IST1: variants seen among roughly 807,000 people sequenced by gnomAD.
The protein encoded by IST1 is IST1 factor associated with ESCRT-III, also known as IST1 homolog.
IST1 carries 23 observed loss-of-function variants against 37.0 expected under a neutral mutation model. The ratio of observed to expected loss-of-function variants is 0.62; its 90% CI spans 0.45 to 0.88. IST1 has a LOEUF of 0.88. Among genes scored for constraint, IST1 ranks in the 40% least tolerant of loss-of-function variants. The probability of loss-of-function intolerance (pLI) is 0.00; values close to 1 mark genes in which losing one functional copy is unlikely to be tolerated. For synonymous variants in IST1, 180 were observed against 161.7 expected (o/e 1.11, Z -0.86); for missense variants, 488 against 445.4 (o/e 1.10, Z -0.86).
intron 1 of IST1, among the ~76,000 whole-genome samples, chr16:71,904,418 G>A (rs1055223148): frequency 6.6e-6 from 1 of 152,120 alleles, no homozygotes; most frequent in South Asian, 2.1e-4. Flanking sequence ...CATTGCGCCC[G>A]GCCTGTTGTT....
At chr16:71,908,195 G>A (rs977023020) in intron 1 of IST1, among the ~76,000 whole-genome samples, 2 of 151,366 alleles carry the variant, frequency 1.3e-5, no homozygotes, top group African/African-American at 4.9e-5. Context: ...ACCCGCCTCT[G>A]CCTCCCAAAG....
In IST1 at chr16:71,908,914, G is replaced by C. The variant is rs370123833; in HGVS notation, c.-15-6712G>C. On this transcript the variant is annotated intron_variant, in intron 1 of 9. Coordinates refer to ENST00000378799, the MANE Select transcript of IST1 (RefSeq NM_001270975.2). ...TATTTTTCATAGTTCTCAGATAGCT[G>C]CTACATGCATTCTGTTCAGGTTTTA... Among the ~76,000 whole-genome samples the C allele has an allele frequency of 1.6e-4, 24 of 152,160 alleles. 1 individual carries two copies. The highest frequency in any genetic ancestry group is 9.8e-4 in the Admixed American group (15 of 15,270).
At chr16:71,915,187 C>G (rs977278587) in intron 1 of IST1, among the ~76,000 whole-genome samples, 3 of 152,158 alleles carry the variant, frequency 2.0e-5, no homozygotes, top group Non-Finnish European at 2.9e-5. Flanking sequence ...TCATCTTCCC[C>G]CATTGCCATC....
At chr16:71,924,689 T>C in intron 8 of IST1, 80 bp from the exon 9 acceptor site, 1 of 1,121,348 alleles carries the variant, frequency 8.9e-7, no homozygotes, top group Non-Finnish European at 1.4e-6. Context: ...ACTTAACTTT[T>C]GGAAACACAG....
rs2143075056 is a variant in IST1, at chr16:71,931,137, G to A, written c.*3324G>A. 1 of 152,094 alleles carries A rather than the reference G, an allele frequency of 6.6e-6. No homozygotes were observed. Among genetic ancestry groups the A allele is most frequent in the East Asian group, 1.9e-4 (1 of 5,176 alleles). The allele number at this position is 152,094 out of a possible 1,614,324, so 9.4% of individuals were successfully genotyped here. A position where few individuals can be genotyped will look rare whatever the true frequency, so the allele number is the denominator to read the frequency against. Reference sequence around the variant, plus strand: ...TACTTTATGTTTACTGTATTTTTATGTACAATTACATCCAAAGCAGAAAAG... The same window carrying A: ...TACTTTATGTTTACTGTATTTTTATATACAATTACATCCAAAGCAGAAAAG... On this transcript the variant is annotated 3_prime_UTR_variant, in exon 10 of 10. Coordinates refer to ENST00000378799, the MANE Select transcript of IST1 (RefSeq NM_001270975.2).
intron 1 of IST1, among the ~76,000 whole-genome samples, chr16:71,906,285 G>T (rs1379782533): frequency 2.0e-5 from 3 of 151,422 alleles, no homozygotes. Flanking sequence ...TTAGAGGTGC[G>T]AGCCACTGCG....
chr16:71,920,920 T>C (rs374008846), intron 5 of IST1, 98 bp downstream of exon 5: 6 of 895,154 alleles, frequency 6.7e-6, no homozygotes, highest in East Asian at 2.4e-5. Flanking sequence ...TTGCTCAGTA[T>C]GGGGTTTCAC....
At chr16:71,914,115 G>GTTGA (rs1706938613) in intron 1 of IST1, among the ~76,000 whole-genome samples, 2 of 150,756 alleles carry the variant, frequency 1.3e-5, no homozygotes, top group South Asian at 2.1e-4. Flanking sequence ...GCTGGTTTTT[G>GTTGA]TTGTTTGTTG....
chr16:71,927,816 C>T lies in IST1; in HGVS notation c.*3C>T, dbSNP rs2037786271. The T allele has an allele frequency of 1.9e-6, 3 of 1,610,268 alleles. No individual in the cohort carries two copies. Among genetic ancestry groups the T allele is most frequent in the Non-Finnish European group, 2.5e-6 (3 of 1,177,148 alleles). ...AAGAGCTGAAAAAGAAAACATAGGT[C>T]TCTTAAACCAGGCAACTTTCACGTT... On this transcript the variant is annotated 3_prime_UTR_variant, in exon 10 of 10. Transcript: ENST00000378799.
At position 71,922,351 on chromosome 16, in the gene IST1, G is replaced by A; in HGVS notation, c.553-123G>A. On this transcript the variant is annotated intron_variant, in intron 6 of 9. Coordinates refer to ENST00000378799, the MANE Select transcript of IST1 (RefSeq NM_001270975.2). ...TAACTCTGCCTTTTCTTCCCCCACA[G>A]GTGTTGATCCCAGAAGCACTCCAGT... 7.7e-6 allele frequency: 6 copies of A among 777,162 alleles called. 1 individual carries two copies. The highest frequency in any genetic ancestry group is 1.3e-5 in the Non-Finnish European group (6 of 456,150). 48.1% of individuals were successfully genotyped at this position (777,162 alleles called of 1,614,324 possible). A position where few individuals can be genotyped will look rare whatever the true frequency, so the allele number is the denominator to read the frequency against.
chr16:71,902,096 C>T (rs924056411), intron 1 of IST1, among the ~76,000 whole-genome samples: 7 of 152,154 alleles, frequency 4.6e-5, no homozygotes, highest in African/African-American at 1.7e-4. Context: ...TTACTGTGTA[C>T]ATATAACACA....
At position 71,930,193 on chromosome 16, in the gene IST1, C is replaced by T. The variant is rs1597266659; in HGVS notation, c.*2380C>T. The T allele has an allele frequency of 1.3e-6, 2 of 1,538,012 alleles. No homozygotes were observed. The highest frequency in any genetic ancestry group is 1.2e-5 in the South Asian group (1 of 82,678). ...GGTCTAAAGCGAAAACCTGGGAAAA[C>T]AATAAGAACACTTGCAGTGACTGAC... On this transcript the variant is annotated 3_prime_UTR_variant, in exon 10 of 10. Coordinates refer to ENST00000378799, the MANE Select transcript of IST1 (RefSeq NM_001270975.2).
At chr16:71,906,898 C>T (rs1277113125) in intron 1 of IST1, among the ~76,000 whole-genome samples, 1 of 152,048 alleles carries the variant, frequency 6.6e-6, no homozygotes, top group Non-Finnish European at 1.5e-5. Flanking sequence ...GTACGGTTGT[C>T]TCATGCCTGT....
Position 71,917,143 on chromosome 16 carries a change from A to C in IST1, c.357+9A>C, listed in dbSNP as rs751109120. ...TGGCTGAGTTGAAAATAGTGAGTAC[A>C]AGTAGTTTCAGTGATGTCTGTAGCT... On this transcript the variant is annotated intron_variant, in intron 4 of 9. Coordinates refer to ENST00000378799, the MANE Select transcript of IST1 (RefSeq NM_001270975.2). The C allele has an allele frequency of 1.3e-6, 2 of 1,550,252 alleles. No homozygotes were observed. Among genetic ancestry groups the C allele is most frequent in the Non-Finnish European group, 1.8e-6 (2 of 1,125,722 alleles).
rs553199429 is a variant in IST1, at chr16:71,922,982, A to G, written c.759+302A>G. On this transcript the variant is annotated intron_variant, in intron 7 of 9. Coordinates refer to ENST00000378799, the MANE Select transcript of IST1 (RefSeq NM_001270975.2). Reference sequence around the variant, plus strand: ...TTTTTCCACAAATGAATAAACCACCAATTATTACCAGGCAGAACAACCTTT... The same window carrying G: ...TTTTTCCACAAATGAATAAACCACCGATTATTACCAGGCAGAACAACCTTT... 1.6e-4 allele frequency: 78 copies of G among 490,150 alleles called. No homozygotes were observed. In the South Asian group the frequency reaches 1.9e-3, roughly 12 times the overall value. 30.4% of individuals were successfully genotyped at this position (490,150 alleles called of 1,614,324 possible). A position where few individuals can be genotyped will look rare whatever the true frequency, so the allele number is the denominator to read the frequency against.
intron 1 of IST1, among the ~76,000 whole-genome samples, chr16:71,897,389 C>G (rs2036998219): frequency 6.6e-6 from 1 of 152,042 alleles, no homozygotes; most frequent in South Asian, 2.1e-4. Context: ...CTTTTTCATT[C>G]TCCCTCTTTG....
At chr16:71,926,412 C>T (rs866387708) in intron 9 of IST1, among the ~76,000 whole-genome samples, 2 of 151,426 alleles carry the variant, frequency 1.3e-5, no homozygotes, top group Middle Eastern at 3.4e-3. Context: ...GGCGTGATCT[C>T]GGCTCATTGC....
chr16:71,920,489 G>A (rs1356846685), intron 4 of IST1, among the ~76,000 whole-genome samples: 2 of 152,224 alleles, frequency 1.3e-5, no homozygotes, highest in Non-Finnish European at 2.9e-5. Flanking sequence ...AGTAAGAACA[G>A]TATCTGTTTT....
intron 4 of IST1, among the ~76,000 whole-genome samples, chr16:71,919,880 A>G (rs1475878427): frequency 6.6e-6 from 1 of 152,232 alleles, no homozygotes; most frequent in Non-Finnish European, 1.5e-5. Flanking sequence ...CTTGTTCCCC[A>G]GTGCCACAGA....
Sources: allele counts gnomAD v4.1 joint callset (sites outside exome capture counted in the v4.1 genomes callset), GRCh38; gene constraint gnomAD v4.1.1; transcripts MANE v1.5; gene names NCBI Gene and HGNC (gene_info 2026-07-23, HGNC 2026-07-21).